RIMS2: variants seen among roughly 807,000 people sequenced by gnomAD.
The protein encoded by RIMS2 is regulating synaptic membrane exocytosis 2.
Under a neutral mutation model 174.4 loss-of-function variants are expected in RIMS2, and 59 were observed. The observed-to-expected ratio is 0.34, with a 90% CI of 0.27 to 0.42. The LOEUF (loss-of-function observed/expected upper bound fraction) is 0.42, where lower values mean the gene tolerates loss of function less well. Ranked by LOEUF, RIMS2 falls within the 10% of genes least tolerant of loss-of-function variation. The pLI is 1.00. For missense variants in RIMS2, 1,620 were observed against 1,666.3 expected, an observed-to-expected ratio of 0.97 and a Z score of 0.48; for synonymous variants, 606 against 572.5, an observed-to-expected ratio of 1.06 and a Z score of -0.84.
At chr8:103,708,041 G>T (rs914686124) in intron 2 of RIMS2, among the ~76,000 whole-genome samples, 1 of 152,226 alleles carries the variant, frequency 6.6e-6, no homozygotes, top group Non-Finnish European at 1.5e-5. Flanking sequence ...ATTGCCTGAA[G>T]TCGGGAGAGG....
chr8:103,796,981 G>C (rs1014194609), intron 3 of RIMS2, among the ~76,000 whole-genome samples: 2 of 152,066 alleles, frequency 1.3e-5, no homozygotes, highest in African/African-American at 4.8e-5. Context: ...GAGGGAAAGG[G>C]ATTTTTTGTG....
chr8:103,902,205 A>G (rs577861360), intron 4 of RIMS2, among the ~76,000 whole-genome samples: 1 of 152,284 alleles, frequency 6.6e-6, no homozygotes, highest in Admixed American at 6.5e-5. Flanking sequence ...GAAGGTATCC[A>G]CAGTTCCTAA....
At chr8:103,931,506 A>T (rs2079929890) in intron 12 of RIMS2, 113 bp downstream of exon 14, 1 of 662,302 alleles carries the variant, frequency 1.5e-6, no homozygotes, top group East Asian at 3.2e-5. Context: ...AGATATGTGA[A>T]GTTTAACATA....
At chr8:103,980,882 G>A (rs915268621) in intron 16 of RIMS2, among the ~76,000 whole-genome samples, 1 of 152,098 alleles carries the variant, frequency 6.6e-6, no homozygotes, top group Non-Finnish European at 1.5e-5. Context: ...ACTTTATATT[G>A]TGGTTTGAGT....
intron 19 of RIMS2, among the ~76,000 whole-genome samples, chr8:104,221,702 A>G (rs1049736720): frequency 3.3e-5 from 5 of 152,184 alleles, no homozygotes; most frequent in African/African-American, 9.7e-5. Flanking sequence ...CTAAACAGCT[A>G]AAGTTGTTAC....
chr8:103,549,209 G>T (rs977467577), intron 1 of RIMS2, among the ~76,000 whole-genome samples: 2 of 151,976 alleles, frequency 1.3e-5, no homozygotes, highest in Non-Finnish European at 2.9e-5. Flanking sequence ...AATATTAAGG[G>T]CAGCCAGAGA....
intron 1 of RIMS2, among the ~76,000 whole-genome samples, chr8:103,617,233 T>C (rs2095526175): frequency 6.6e-6 from 1 of 152,090 alleles, no homozygotes; most frequent in Non-Finnish European, 1.5e-5. Flanking sequence ...AACCATCTGA[T>C]CTTCAACAAA....
chr8:103,834,388 G>T (rs2098845583), intron 3 of RIMS2, among the ~76,000 whole-genome samples: 1 of 135,180 alleles, frequency 7.4e-6, no homozygotes. Flanking sequence ...CTAGGCTGGA[G>T]TGCTGTGGCA....
At chr8:104,103,206 T>G (rs1224721883) in intron 19 of RIMS2, among the ~76,000 whole-genome samples, 1 of 152,082 alleles carries the variant, frequency 6.6e-6, no homozygotes, top group African/African-American at 2.4e-5. Flanking sequence ...AAAAGTAGAT[T>G]ACTTGTTGCC....
chr8:103,518,465 G>T (rs34344264), intron 1 of RIMS2, among the ~76,000 whole-genome samples: 27,628 of 152,022 alleles, frequency 0.18, 2,739 homozygotes, highest in African/African-American at 0.26. Context: ...GCGGTCTGCG[G>T]GTTGGACAAG....
chr8:103,851,469 A>T (rs1433002335), intron 3 of RIMS2, among the ~76,000 whole-genome samples: 1 of 151,888 alleles, frequency 6.6e-6, no homozygotes, highest in Non-Finnish European at 1.5e-5. Context: ...GAAAAAAATT[A>T]TATTCTATAT....
intron 19 of RIMS2, among the ~76,000 whole-genome samples, chr8:104,185,785 T>G (rs1283403227): frequency 6.6e-6 from 1 of 151,658 alleles, no homozygotes; most frequent in African/African-American, 2.4e-5. Context: ...TTGATAGGAA[T>G]GTAAATTGGT....
At chr8:103,507,324 A>G (rs1824164102) in intron 1 of RIMS2, among the ~76,000 whole-genome samples, 1 of 152,010 alleles carries the variant, frequency 6.6e-6, no homozygotes, top group Non-Finnish European at 1.5e-5. Context: ...ATAATGATTT[A>G]TTTACTTGTT....
rs564799856 is a variant in RIMS2 at position 103,791,840 on chromosome 8, G to A, written c.698+25303G>A. ...AGACAAAGAAGGCCATTACATAATG[G>A]TAAAGGGATCAATTCAACAAGAAGA... On this transcript the variant is annotated intron_variant, in intron 3 of 23. Transcript: ENST00000504942. Among the ~76,000 whole-genome samples, 55 of 152,296 alleles carry A rather than the reference G, an allele frequency of 3.6e-4. 2 individuals carry two copies. In the South Asian group the frequency reaches 0.01, roughly 29 times the overall value.
At chr8:103,643,914 C>T (rs2096276788) in intron 1 of RIMS2, among the ~76,000 whole-genome samples, 1 of 151,680 alleles carries the variant, frequency 6.6e-6, no homozygotes, top group Non-Finnish European at 1.5e-5. Flanking sequence ...GGGTATTTAC[C>T]TTCCTCAGGC....
At chr8:103,736,098 G>A (rs909485470) in intron 2 of RIMS2, among the ~76,000 whole-genome samples, 2 of 151,984 alleles carry the variant, frequency 1.3e-5, no homozygotes, top group Non-Finnish European at 2.9e-5. Flanking sequence ...TTCTTTCTTT[G>A]CAGCTCAGCT....
intron 2 of RIMS2, among the ~76,000 whole-genome samples, chr8:103,758,128 T>G (rs1473185373): frequency 6.6e-6 from 1 of 152,210 alleles, no homozygotes. Flanking sequence ...TATCTAGAGT[T>G]AGATAGACTT....
chr8:103,518,736 G>A (rs1053655852), intron 1 of RIMS2, among the ~76,000 whole-genome samples: 5 of 151,996 alleles, frequency 3.3e-5, no homozygotes, highest in African/African-American at 4.8e-5. Flanking sequence ...GTTATGATAT[G>A]TTAACAAGTG....
rs144067860 is a variant in RIMS2 at position 104,112,785 on chromosome 8, G to C, written c.3334+98170G>C. On this transcript the variant is annotated intron_variant, in intron 19 of 23. Coordinates refer to ENST00000504942, the Ensembl canonical transcript of RIMS2. Reference sequence around the variant, plus strand: ...CTGTATCCCCAGTGCCTAGAACACTGCCTAGCACAGCACAGGTCCTCAGCA... The same window carrying C: ...CTGTATCCCCAGTGCCTAGAACACTCCCTAGCACAGCACAGGTCCTCAGCA... 7.4e-3 allele frequency among the ~76,000 whole-genome samples: 1,133 copies of C among 152,276 alleles called. 13 individuals are homozygous for C. Among genetic ancestry groups the C allele is most frequent in the African/African-American group, 0.026 (1,068 of 41,556 alleles).
Sources: allele counts gnomAD v4.1 joint callset (sites outside exome capture counted in the v4.1 genomes callset), GRCh38; gene constraint gnomAD v4.1.1; transcripts MANE v1.5; gene names NCBI Gene and HGNC (gene_info 2026-07-23, HGNC 2026-07-21).